The following CEP170 variants were observed in gnomAD, a reference collection of about 807,000 sequenced individuals.
The protein encoded by CEP170 is centrosomal protein of 170 kDa.
CEP170 carries 21 observed loss-of-function variants against 151.9 expected under a neutral mutation model. That is an observed-to-expected ratio of 0.14 (90% CI 0.10 to 0.20). The LOEUF (loss-of-function observed/expected upper bound fraction) is 0.20, where lower values mean the gene tolerates loss of function less well. Among genes scored for constraint, CEP170 ranks in the 10% least tolerant of loss-of-function variants. CEP170 has a pLI of 1.00. For missense variants in CEP170, 964 were observed against 1,892.9 expected (o/e 0.51, Z 9.11); for synonymous variants, 356 against 648.8 (o/e 0.55, Z 6.86).
intron 7 of CEP170, 34 bp from the exon 8 acceptor site, chr1:243,191,528 T>C (rs773839506): frequency 3.1e-6 from 4 of 1,275,912 alleles, no homozygotes; most frequent in South Asian, 1.4e-5. Context: ...TTCAAAATAT[T>C]TGATTGCTTC....
intron 14 of CEP170, among the ~76,000 whole-genome samples, chr1:243,148,415 A>G (rs1388443820): frequency 5.3e-5 from 8 of 150,722 alleles, no homozygotes; most frequent in Non-Finnish European, 7.4e-5. Context: ...TACTAAAAAT[A>G]CAAAAAAAAT....
At chr1:243,209,661 T>C (rs1572309574) in intron 4 of CEP170, among the ~76,000 whole-genome samples, 4 of 151,790 alleles carry the variant, frequency 2.6e-5, no homozygotes, top group African/African-American at 7.2e-5. Flanking sequence ...GTATATAATA[T>C]AATTTCTGCC....
intron 14 of CEP170, among the ~76,000 whole-genome samples, 193 bp downstream of exon 14, chr1:243,156,028 G>C (rs533705644): frequency 2.8e-4 from 42 of 152,086 alleles, no homozygotes; most frequent in African/African-American, 9.9e-4. Flanking sequence ...CAATATGTTA[G>C]TGGTATAGGC....
rs1376256335 is a variant in CEP170, at chr1:243,200,550, G to A, written c.464C>T (p.Thr155Ile). The A allele has an allele frequency of 6.3e-6, 10 of 1,595,296 alleles. No homozygotes were observed. The East Asian group carries it at 2.0e-4, about 32-fold the overall frequency. Residue 155 changes from threonine to isoleucine, a missense_variant, in exon 6 of 20, where the codon ACT (threonine) becomes ATT (isoleucine). Thr to Ile is a moderately conservative substitution (Grantham distance 89). Transcript: ENST00000366542. Reference sequence around the variant, plus strand: ...TTTTTCCTCGGATTTCAGTGCTTCAGTAGTTTTGTGCTGCACTTCAGTAGC... The same window carrying A: ...TTTTTCCTCGGATTTCAGTGCTTCAATAGTTTTGTGCTGCACTTCAGTAGC... ...DAATEVQHKT[T>I]EALKSEEKAM...
At chr1:243,130,742 T>TA (rs2054294517) in intron 17 of CEP170, among the ~76,000 whole-genome samples, 1 of 151,320 alleles carries the variant, frequency 6.6e-6, no homozygotes, top group Non-Finnish European at 1.5e-5. Flanking sequence ...TTACCTTATT[T>TA]AAAAACATGA....
rs528389737 is a variant in CEP170, at chr1:243,214,474, T to G, written c.196-2510A>C. On this transcript the variant is annotated intron_variant, in intron 3 of 19. Coordinates refer to ENST00000366542, the MANE Select transcript of CEP170 (RefSeq NM_014812.3). ...CTAATTTTTGTATTTTTAGTAGCGA[T>G]GGGGTTTCACCAGGTTAGCCAAGCT... is the stretch of plus-strand genomic sequence containing the variant. 9.5e-4 allele frequency among the ~76,000 whole-genome samples: 144 copies of G among 151,736 alleles called. 1 individual carries two copies. Among genetic ancestry groups the G allele is most frequent in the African/African-American group, 3.1e-3 (129 of 41,414 alleles).
At chr1:243,133,544 A>G (rs1488345797) in intron 17 of CEP170, among the ~76,000 whole-genome samples, 1 of 152,180 alleles carries the variant, frequency 6.6e-6, no homozygotes, top group African/African-American at 2.4e-5. Flanking sequence ...CCAAATCATG[A>G]TATTAATAAG....
intron 15 of CEP170, 69 bp downstream of exon 15, chr1:243,142,247 A>C (rs1183004122): frequency 8.1e-6 from 13 of 1,603,512 alleles, no homozygotes; most frequent in Non-Finnish European, 9.3e-6. Flanking sequence ...TAAACTAAGC[A>C]AAAAGCTAAA....
intron 1 of CEP170, among the ~76,000 whole-genome samples, chr1:243,247,794 TTGC>T (rs2065561406): frequency 6.6e-6 from 1 of 152,240 alleles, no homozygotes; most frequent in Admixed American, 6.5e-5. Flanking sequence ...ATATTTTTAT[TTGC>T]CAACATAGTT....
intron 7 of CEP170, among the ~76,000 whole-genome samples, chr1:243,197,569 T>C (rs890396538): frequency 2.0e-5 from 3 of 151,980 alleles, no homozygotes; most frequent in Non-Finnish European, 4.4e-5. Context: ...AAGTAACGTT[T>C]TCGCTTTCCT....
chr1:243,191,328 G>A lies in CEP170; in HGVS notation c.798C>T (p.Asp266=). The change falls in exon 8 of 20, where the codon GAC becomes GAT. Residue 266 remains aspartate, a synonymous_variant. Coordinates refer to ENST00000366542, the MANE Select transcript of CEP170 (RefSeq NM_014812.3). ...CACCTGTTATATGGGAACTTGGCGT[G>A]TCTTTTGTTGGGATTTCATGAATAG... ...ESTIHEIPTK[D]TPSSHITGAG... 3 of 1,613,336 alleles carry A rather than the reference G, an allele frequency of 1.9e-6. No homozygotes were observed. The highest frequency in any genetic ancestry group is 1.7e-6 in the Non-Finnish European group (2 of 1,179,626).
intron 7 of CEP170, among the ~76,000 whole-genome samples, chr1:243,192,468 T>C (rs1392636093): frequency 6.6e-6 from 1 of 152,180 alleles, no homozygotes; most frequent in African/African-American, 2.4e-5. Context: ...TTAAAGATGC[T>C]ATTGTCCTGT....
chr1:243,200,253 C>CA (rs2060936973), intron 6 of CEP170, among the ~76,000 whole-genome samples: 1 of 152,044 alleles, frequency 6.6e-6, no homozygotes, highest in African/African-American at 2.4e-5. Context: ...GTCCTGAAAC[C>CA]AGTCCCCCAC....
rs1367795587 is a variant in CEP170 at position 243,139,959 on chromosome 1, C to T, written c.4208G>A (p.Arg1403Gln). 4.3e-6 allele frequency: 7 copies of T among 1,611,556 alleles called. No individual in the cohort carries two copies. Among genetic ancestry groups the T allele is most frequent in the Admixed American group, 1.7e-5 (1 of 59,812 alleles). ...TACTTCATCCCTGCTCCAGGTTCTC[C>T]GCCTTGTAATTGTTAAGTGATCGGG... ...EPPDHLTITRRRTWSRDEVMG... is the reference protein window; with the variant it reads ...EPPDHLTITRQRTWSRDEVMG... The change falls in exon 16 of 20, where the codon CGG becomes CAG. Residue 1403 changes from arginine (R) to glutamine (Q), a missense_variant. Transcript: ENST00000366542.
intron 2 of CEP170, among the ~76,000 whole-genome samples, chr1:243,223,984 G>A (rs536804717): frequency 1.3e-5 from 2 of 152,212 alleles, no homozygotes; most frequent in East Asian, 3.9e-4. Context: ...TCTAGTGACC[G>A]AGTCAAGGAA....
chr1:243,224,304 T>C (rs952144667), intron 2 of CEP170, among the ~76,000 whole-genome samples: 1 of 152,200 alleles, frequency 6.6e-6, no homozygotes, highest in African/African-American at 2.4e-5. Flanking sequence ...CTTTTTTTCC[T>C]GTTACTTAAA....
intron 1 of CEP170, among the ~76,000 whole-genome samples, chr1:243,235,202 G>A (rs1357009183): frequency 6.6e-6 from 1 of 152,118 alleles, no homozygotes; most frequent in East Asian, 1.9e-4. Context: ...CAGGGGCAGT[G>A]GGAAGAAAGA....
intron 10 of CEP170, among the ~76,000 whole-genome samples, chr1:243,182,713 T>C (rs570603680): frequency 6.6e-6 from 1 of 152,296 alleles, no homozygotes; most frequent in African/African-American, 2.4e-5. Context: ...TGCTTTCGAA[T>C]AGGCTGTTCC....
intron 7 of CEP170, among the ~76,000 whole-genome samples, chr1:243,193,731 T>C (rs1275165299): frequency 6.6e-6 from 1 of 152,004 alleles, no homozygotes; most frequent in East Asian, 1.9e-4. Context: ...TATGATCTGA[T>C]GATCATAACC....
Sources: gnomAD v4.1 joint callset for allele counts (sites outside exome capture counted in the v4.1 genomes callset) on GRCh38, gnomAD v4.1.1 for gene constraint, MANE v1.5 for transcripts, NCBI Gene and HGNC (gene_info 2026-07-23, HGNC 2026-07-21) for gene names.